The following ARHGAP31 variants were observed in gnomAD, a reference collection of about 807,000 sequenced individuals.
ARHGAP31 encodes the protein rho GTPase-activating protein 31.
ARHGAP31 carries 34 observed loss-of-function variants against 113.9 expected under a neutral mutation model. That is an observed-to-expected ratio of 0.30 (90% confidence interval 0.23 to 0.40). The LOEUF is 0.40. Ranked by LOEUF, ARHGAP31 falls within the 10% of genes least tolerant of loss-of-function variation. The pLI is 1.00. For missense variants in ARHGAP31, 1,548 were observed against 1,767.1 expected (o/e 0.88, Z 2.22); for synonymous variants, 650 against 684.8 (o/e 0.95, Z 0.79).
intron 1 of ARHGAP31, among the ~76,000 whole-genome samples, chr3:119,319,206 C>G (rs747612903): frequency 6.7e-6 from 1 of 150,358 alleles, no homozygotes; most frequent in Non-Finnish European, 1.5e-5. Flanking sequence ...GATAAAAGCA[C>G]CTTCTGGATT....
chr3:119,325,864 C>A (rs2079837190), intron 1 of ARHGAP31, among the ~76,000 whole-genome samples: 1 of 152,194 alleles, frequency 6.6e-6, no homozygotes, highest in African/African-American at 2.4e-5. Context: ...AAATCAGAAT[C>A]TCTGAAGGTG....
chr3:119,409,455 A>T, intron 10 of ARHGAP31, 41 bp from the exon 11 acceptor site: 1 of 1,612,264 alleles, frequency 6.2e-7, no homozygotes, highest in South Asian at 1.1e-5. Context: ...CTCTCTTGAA[A>T]TGAAGTCTCC....
chr3:119,354,393 T>C (rs573405527), intron 1 of ARHGAP31, among the ~76,000 whole-genome samples: 1 of 152,076 alleles, frequency 6.6e-6, no homozygotes, highest in South Asian at 2.1e-4. Context: ...AAAAGCAAAA[T>C]TAAAAATAGA....
chr3:119,312,294 C>G (rs2044620), intron 1 of ARHGAP31, among the ~76,000 whole-genome samples: 102,162 of 152,140 alleles, frequency 0.67, 34,518 homozygotes, highest in African/African-American at 0.71. Flanking sequence ...GAGTTTCAAA[C>G]TTTGTTCCAT....
chr3:119,340,900 A>C (rs1236648311), intron 1 of ARHGAP31, among the ~76,000 whole-genome samples: 1 of 152,204 alleles, frequency 6.6e-6, no homozygotes, highest in Non-Finnish European at 1.5e-5. Flanking sequence ...GTTTTTTTCA[A>C]AACACAAGAT....
At chr3:119,373,779 A>G (rs1371196932) in intron 3 of ARHGAP31, among the ~76,000 whole-genome samples, 3 of 152,240 alleles carry the variant, frequency 2.0e-5, no homozygotes, top group Middle Eastern at 3.4e-3. Context: ...TGGCTTTTTT[A>G]TAGTTTTCTG....
intron 1 of ARHGAP31, among the ~76,000 whole-genome samples, chr3:119,343,796 G>A (rs1045857445): frequency 6.6e-6 from 1 of 152,198 alleles, no homozygotes; most frequent in African/African-American, 2.4e-5. Flanking sequence ...TCTGTAGGAC[G>A]AGGAGCTCAG....
chr3:119,294,654 C>G lies in ARHGAP31; in HGVS notation c.-251C>G. On this transcript the variant is annotated 5_prime_UTR_variant, in exon 1 of 12. Transcript: ENST00000264245. ...TGAGGAAGTGACACTCCCAGGCGAG[C>G]CGGCCCGCGGCTGCCAGTCTGCACG... 1 of 562,360 alleles carries G rather than the reference C, an allele frequency of 1.8e-6. No homozygotes were observed. The highest frequency in any genetic ancestry group is 2.3e-5 in the South Asian group (1 of 44,242). The allele number at this position is 562,360 out of a possible 1,614,324, so 34.8% of individuals were successfully genotyped here. A position where few individuals can be genotyped will look rare whatever the true frequency, so the allele number is the denominator to read the frequency against.
chr3:119,400,430 C>T (rs1008252309), intron 9 of ARHGAP31, among the ~76,000 whole-genome samples: 5 of 152,000 alleles, frequency 3.3e-5, no homozygotes, highest in South Asian at 2.1e-4. Flanking sequence ...GCTGAGATTG[C>T]GCCACTGCAC....
chr3:119,350,759 A>C (rs2080104101), intron 1 of ARHGAP31, among the ~76,000 whole-genome samples: 1 of 152,172 alleles, frequency 6.6e-6, no homozygotes, highest in South Asian at 2.1e-4. Context: ...ATTTAACAGA[A>C]ATTTCCGTTT....
At chr3:119,335,901 G>A (rs759020135) in intron 1 of ARHGAP31, among the ~76,000 whole-genome samples, 29 of 152,190 alleles carry the variant, frequency 1.9e-4, no homozygotes, top group Non-Finnish European at 3.8e-4. Context: ...GGCCAGGAGC[G>A]GTAGCTCAAG....
rs375727114 is a variant in ARHGAP31, at chr3:119,402,282, A to T, written c.1530A>T (p.Arg510Ser). The T allele has an allele frequency of 2.6e-5, 42 of 1,614,134 alleles. No individual in the cohort carries two copies. The highest frequency in any genetic ancestry group is 3.4e-5 in the Non-Finnish European group (40 of 1,180,062). The change falls in exon 10 of 12, where the codon AGA becomes AGT. Residue 510 changes from arginine (R) to serine (S), a missense_variant. Arg to Ser is a moderately radical substitution (Grantham distance 110). Transcript: ENST00000264245. ...TCAGCACCAACAGCACGCCGTGCAG[A>T]ACACCCCCGAAGGAGCTGCAGTCTC... ...AVISTNSTPC[R>S]TPPKELQSLS...
intron 1 of ARHGAP31, among the ~76,000 whole-genome samples, chr3:119,364,919 C>T (rs371487650): frequency 1.3e-5 from 2 of 152,044 alleles, no homozygotes; most frequent in African/African-American, 4.8e-5. Context: ...ATGGCGAAAC[C>T]CAGTTCTCTA....
chr3:119,404,399 G>A (rs2080642724), intron 10 of ARHGAP31, among the ~76,000 whole-genome samples: 1 of 152,118 alleles, frequency 6.6e-6, no homozygotes, highest in Non-Finnish European at 1.5e-5. Flanking sequence ...GCAGAAAGAG[G>A]GGCCTTGTGG....
At chr3:119,335,112 G>A (rs904448449) in intron 1 of ARHGAP31, among the ~76,000 whole-genome samples, 2 of 152,112 alleles carry the variant, frequency 1.3e-5, no homozygotes, top group African/African-American at 4.8e-5. Flanking sequence ...TGGTGGTTAG[G>A]CTCTAAGCCC....
At chr3:119,338,082 C>T (rs533706014) in intron 1 of ARHGAP31, among the ~76,000 whole-genome samples, 74 of 152,172 alleles carry the variant, frequency 4.9e-4, no homozygotes, top group East Asian at 2.3e-3. Context: ...AATATGTATG[C>T]GAATATATTT....
intron 1 of ARHGAP31, among the ~76,000 whole-genome samples, chr3:119,356,088 G>T (rs1226064108): frequency 6.6e-6 from 1 of 152,152 alleles, no homozygotes; most frequent in African/African-American, 2.4e-5. Flanking sequence ...GTAAATATCT[G>T]CAGGATTAAA....
chr3:119,396,814 GA>G (rs2080554410), intron 8 of ARHGAP31, among the ~76,000 whole-genome samples: 1 of 152,216 alleles, frequency 6.6e-6, no homozygotes, highest in Admixed American at 6.5e-5. Context: ...TCTAGAAAAT[GA>G]AACAGGTAAG....
intron 1 of ARHGAP31, among the ~76,000 whole-genome samples, chr3:119,358,556 A>G (rs1346366077): frequency 6.6e-6 from 1 of 152,244 alleles, no homozygotes; most frequent in Non-Finnish European, 1.5e-5. Flanking sequence ...AAAGGTTCAT[A>G]GCAACAATAT....
Sources: allele counts gnomAD v4.1 joint callset (sites outside exome capture counted in the v4.1 genomes callset), GRCh38; gene constraint gnomAD v4.1.1; transcripts MANE v1.5; gene names NCBI Gene and HGNC (gene_info 2026-07-23, HGNC 2026-07-21).